The following SLC9C2 variants were observed in gnomAD, a reference collection of about 807,000 sequenced individuals.
SLC9C2 encodes the protein solute carrier family 9 member C2 (putative).
Under a neutral mutation model 140.2 loss-of-function variants are expected in SLC9C2, and 75 were observed. The observed-to-expected ratio is 0.53, with a 90% confidence interval of 0.44 to 0.65. The LOEUF is 0.65. Among genes scored for constraint, SLC9C2 ranks in the 30% least tolerant of loss-of-function variants. SLC9C2 has a pLI of 0.00. For synonymous variants in SLC9C2, 375 were observed against 420.9 expected (o/e 0.89, Z 1.34); for missense variants, 1,074 against 1,331.8 (o/e 0.81, Z 3.01).
intron 9 of SLC9C2, among the ~76,000 whole-genome samples, chr1:173,570,631 A>G (rs1664781040): frequency 1.3e-5 from 2 of 152,182 alleles, no homozygotes; most frequent in Non-Finnish European, 2.9e-5. Flanking sequence ...TAAGAATTGC[A>G]GTCCTTATAT....
At chr1:173,601,604 G>T in intron 2 of SLC9C2, 46 bp downstream of exon 2, 1 of 1,591,316 alleles carries the variant, frequency 6.3e-7, no homozygotes, top group South Asian at 1.2e-5. Flanking sequence ...ATTGACAAAA[G>T]GTTCACAGGG....
intron 7 of SLC9C2, among the ~76,000 whole-genome samples, chr1:173,577,704 A>C (rs1665266388): frequency 6.6e-6 from 1 of 152,168 alleles, no homozygotes; most frequent in Non-Finnish European, 1.5e-5. Flanking sequence ...AAATTAGAAA[A>C]CATGAAAATG....
At chr1:173,521,545 A>C in intron 21 of SLC9C2, 146 bp from the exon 22 acceptor site, 1 of 260,700 alleles carries the variant, frequency 3.8e-6, no homozygotes, top group Non-Finnish European at 7.3e-6. Context: ...TATGATTTTA[A>C]AGCTAAAATA....
At chr1:173,593,938 C>T (rs1452960311) in intron 4 of SLC9C2, among the ~76,000 whole-genome samples, 1 of 152,056 alleles carries the variant, frequency 6.6e-6, no homozygotes. Context: ...GTAACTGAAA[C>T]CTTGGATAAC....
chr1:173,523,764 G>A (rs112342728), intron 21 of SLC9C2, among the ~76,000 whole-genome samples: 11 of 152,280 alleles, frequency 7.2e-5, no homozygotes, highest in South Asian at 2.1e-4. Flanking sequence ...ACTCATAAGC[G>A]GATAAGCCAT....
rs1019870388 is a variant in SLC9C2 at position 173,565,918 on chromosome 1, T to C, written c.1046+7264A>G. Among the ~76,000 whole-genome samples the C allele has an allele frequency of 2.6e-4, 39 of 152,116 alleles. 1 individual carries two copies. Among genetic ancestry groups the C allele is most frequent in the East Asian group, 1.9e-4 (1 of 5,202 alleles). On this transcript the variant is annotated intron_variant, in intron 9 of 27. Coordinates refer to ENST00000367714, the MANE Select transcript of SLC9C2 (RefSeq NM_178527.4). ...CTGAATTTTATCAAATGCTTTTTCATCATCAATTGAAATGATTACATGGTT... is the reference window on the plus strand; with the variant it reads ...CTGAATTTTATCAAATGCTTTTTCACCATCAATTGAAATGATTACATGGTT...
intron 26 of SLC9C2, among the ~76,000 whole-genome samples, chr1:173,503,998 G>C (rs934691143): frequency 6.6e-6 from 1 of 152,196 alleles, no homozygotes; most frequent in African/African-American, 2.4e-5. Flanking sequence ...TAAGATCTCT[G>C]ACTCAATAGC....
At chr1:173,503,474 C>G in intron 26 of SLC9C2, 148 bp from the exon 27 acceptor site, 2 of 727,264 alleles carry the variant, frequency 2.8e-6, no homozygotes, top group Admixed American at 5.5e-5. Context: ...TTTTTCTTCC[C>G]TCAGAGGTTC....
intron 5 of SLC9C2, among the ~76,000 whole-genome samples, chr1:173,585,693 G>T (rs992494948): frequency 6.6e-6 from 1 of 152,186 alleles, no homozygotes; most frequent in African/African-American, 2.4e-5. Flanking sequence ...TCAGCCGGGT[G>T]CAGTGGCTCA....
rs769555804 is a variant in SLC9C2, at chr1:173,534,462, C to T, written c.1974+22G>A. The T allele has an allele frequency of 8.5e-6, 13 of 1,525,564 alleles. No individual in the cohort carries two copies. The East Asian group carries it at 1.2e-4, about 15-fold the overall frequency. The allele number at this position is 1,525,564 out of a possible 1,614,324, so 94.5% of individuals were successfully genotyped here. A position where few individuals can be genotyped will look rare whatever the true frequency, so the allele number is the denominator to read the frequency against. On this transcript the variant is annotated intron_variant, in intron 16 of 27. Coordinates refer to ENST00000367714, the MANE Select transcript of SLC9C2 (RefSeq NM_178527.4). ...ACCTGAATTGCTCTTTTTATAGATT[C>T]TATTTCTATTTTAAACAGTACCTTC...
intron 9 of SLC9C2, among the ~76,000 whole-genome samples, chr1:173,557,781 G>A (rs1385617433): frequency 6.6e-6 from 1 of 152,040 alleles, no homozygotes; most frequent in Non-Finnish European, 1.5e-5. Flanking sequence ...GTTTGGAATT[G>A]GGTAGTAAAT....
chr1:173,510,106 A>G (rs1659936175), intron 23 of SLC9C2, among the ~76,000 whole-genome samples: 1 of 152,192 alleles, frequency 6.6e-6, no homozygotes, highest in African/African-American at 2.4e-5. Flanking sequence ...AAAAAGATAC[A>G]CTTTCAGATT....
chr1:173,560,778 CTCTT>C (rs971940550), intron 9 of SLC9C2, among the ~76,000 whole-genome samples: 28 of 152,032 alleles, frequency 1.8e-4, no homozygotes, highest in African/African-American at 6.3e-4. Context: ...TGTTCCTTCT[CTCTT>C]TCTTTTTAAT....
intron 7 of SLC9C2, among the ~76,000 whole-genome samples, chr1:173,577,225 T>C (rs1200711922): frequency 6.6e-6 from 1 of 152,224 alleles, no homozygotes; most frequent in Non-Finnish European, 1.5e-5. Context: ...TCACTGAGGA[T>C]AGGGCTAATG....
At chr1:173,542,513 G>A (rs1359228302) in intron 13 of SLC9C2, among the ~76,000 whole-genome samples, 1 of 151,994 alleles carries the variant, frequency 6.6e-6, no homozygotes, top group African/African-American at 2.4e-5. Flanking sequence ...ATTTTATGAG[G>A]CCAGTGTCAT....
intron 7 of SLC9C2, among the ~76,000 whole-genome samples, chr1:173,578,004 AG>A (rs142018633): frequency 0.15 from 23,377 of 152,078 alleles, 5,958 homozygotes; most frequent in African/African-American, 0.53. Context: ...TTTATAAAGA[AG>A]GGACAGTGGA....
rs1659223174 is a variant in SLC9C2, at chr1:173,500,957, T to C, written c.*137A>G. On this transcript the variant is annotated 3_prime_UTR_variant, in exon 28 of 28. Transcript: ENST00000367714. ...TTATAAACTAAATGCAGCAGTAACC[T>C]GTTTCAGTAGCTTCTAAGTAAACTC... is the stretch of plus-strand genomic sequence containing the variant. The C allele has an allele frequency of 1.0e-6, 1 of 1,001,904 alleles. No homozygotes were observed. The highest frequency in any genetic ancestry group is 1.3e-6 in the Non-Finnish European group (1 of 755,524). The allele number at this position is 1,001,904 out of a possible 1,614,324, so 62.1% of individuals were successfully genotyped here.
At chr1:173,521,656 A>G (rs952405551) in intron 21 of SLC9C2, among the ~76,000 whole-genome samples, 1 of 151,484 alleles carries the variant, frequency 6.6e-6, no homozygotes, top group Non-Finnish European at 1.5e-5. Context: ...AGGAACAGGC[A>G]AACAAACTTT....
intron 2 of SLC9C2, among the ~76,000 whole-genome samples, 180 bp from the exon 3 acceptor site, chr1:173,600,397 T>C (rs983918185): frequency 6.6e-6 from 1 of 151,644 alleles, no homozygotes; most frequent in Admixed American, 6.5e-5. Flanking sequence ...AACTGTACTT[T>C]GAGTACTCGT....
Sources: gnomAD v4.1 joint callset for allele counts (sites outside exome capture counted in the v4.1 genomes callset) on GRCh38, gnomAD v4.1.1 for gene constraint, MANE v1.5 for transcripts, NCBI Gene and HGNC (gene_info 2026-07-23, HGNC 2026-07-21) for gene names.